GOT2: variants seen among roughly 807,000 people sequenced by gnomAD.
The protein encoded by GOT2 is aspartate aminotransferase, mitochondrial.
Under a neutral mutation model 50.0 loss-of-function variants are expected in GOT2, and 17 were observed. The ratio of observed to expected loss-of-function variants is 0.34; its 90% CI spans 0.23 to 0.51. The LOEUF is 0.51. Among genes scored for constraint, GOT2 ranks in the 20% least tolerant of loss-of-function variants. The pLI is 0.97. For synonymous variants in GOT2, 172 were observed against 204.9 expected (o/e 0.84, Z 1.37); for missense variants, 430 against 559.6 (o/e 0.77, Z 2.34).
At chr16:58,720,321 T>C (rs137920751) in intron 3 of GOT2, among the ~76,000 whole-genome samples, 2,550 of 152,296 alleles carry the variant, frequency 0.017, 67 homozygotes, top group African/African-American at 0.053. Flanking sequence ...CTTATTCAAA[T>C]TGGTCAACTT....
intron 6 of GOT2, 55 bp downstream of exon 6, chr16:58,718,141 C>T: frequency 5.6e-6 from 7 of 1,239,782 alleles, no homozygotes; most frequent in Non-Finnish European, 8.3e-6. Flanking sequence ...CAAATTAAGC[C>T]TCCAAAGCTG....
intron 8 of GOT2, among the ~76,000 whole-genome samples, chr16:58,714,744 G>C (rs755868643): frequency 6.6e-6 from 1 of 151,914 alleles, no homozygotes; most frequent in Admixed American, 6.6e-5. Context: ...CAAAAAACTC[G>C]AGTAAAGCAC....
At chr16:58,724,390 C>T (rs971982730) in intron 1 of GOT2, among the ~76,000 whole-genome samples, 3 of 151,590 alleles carry the variant, frequency 2.0e-5, no homozygotes, top group African/African-American at 4.8e-5. Context: ...TCAAACAATT[C>T]TGCCTCAGCC....
intron 3 of GOT2, among the ~76,000 whole-genome samples, chr16:58,720,859 T>C (rs1196371209): frequency 6.6e-6 from 1 of 152,142 alleles, no homozygotes; most frequent in Non-Finnish European, 1.5e-5. Context: ...GTGCTGGGAT[T>C]ACAGGAGTGA....
intron 1 of GOT2, among the ~76,000 whole-genome samples, chr16:58,732,324 A>AT (rs775313668): frequency 1.8e-4 from 27 of 151,854 alleles, no homozygotes; most frequent in Non-Finnish European, 2.4e-4. Context: ...AAAAAAGGGA[A>AT]TTTTTTTTGG....
chr16:58,708,510 C>A (rs1471842278), intron 9 of GOT2, among the ~76,000 whole-genome samples: 4 of 151,868 alleles, frequency 2.6e-5, no homozygotes, highest in African/African-American at 9.7e-5. Context: ...GAGGCTAAGG[C>A]AGGAGAATAG....
chr16:58,721,272 C>T (rs257630), intron 3 of GOT2, among the ~76,000 whole-genome samples: 94,406 of 152,082 alleles, frequency 0.62, 29,754 homozygotes, highest in Middle Eastern at 0.84. Flanking sequence ...CCCAGAAAAA[C>T]GTACAAATGC....
At chr16:58,733,892 A>T (rs2044855639) in intron 1 of GOT2, 2 of 392,204 alleles carry the variant, frequency 5.1e-6, no homozygotes, top group Non-Finnish European at 9.0e-6. Context: ...ATTGCGTTGC[A>T]CGCCTTCCTG....
chr16:58,723,781 T>A lies in GOT2; in HGVS notation c.211A>T (p.Asn71Tyr). Residue 71 changes from asparagine (N) to tyrosine (Y), a missense_variant, in exon 2 of 10, where the codon AAT becomes TAT. Transcript: ENST00000245206. ...CTAGGCAGAACGTAAGGCTTTCCATTATCATCCCGGTAGGCACCAACTCCC... is the reference window on the plus strand; with the variant it reads ...CTAGGCAGAACGTAAGGCTTTCCATAATCATCCCGGTAGGCACCAACTCCC... ...NLGVGAYRDD[N>Y]GKPYVLPSVR... 1 of 1,613,060 alleles carries A rather than the reference T, an allele frequency of 6.2e-7. No individual in the cohort carries two copies. Among genetic ancestry groups the A allele is most frequent in the Non-Finnish European group, 8.5e-7 (1 of 1,179,096 alleles).
At chr16:58,722,021 C>T in intron 3 of GOT2, 129 bp downstream of exon 3, 1 of 925,906 alleles carries the variant, frequency 1.1e-6, no homozygotes, top group Non-Finnish European at 1.7e-6. Context: ...CTCAGATGAA[C>T]CACCCGCCTT....
At chr16:58,709,643 C>G in intron 8 of GOT2, 76 bp from the exon 9 acceptor site, 1 of 1,297,864 alleles carries the variant, frequency 7.7e-7, no homozygotes, top group Non-Finnish European at 1.1e-6. Flanking sequence ...GCATTTTTAC[C>G]TCCCTTGAGC....
intron 8 of GOT2, among the ~76,000 whole-genome samples, chr16:58,710,900 A>G (rs372980109): frequency 2.0e-5 from 3 of 148,954 alleles, no homozygotes; most frequent in East Asian, 4.1e-4. Context: ...CCCAGAAGGC[A>G]GAGCTTGCAG....
Position 58,722,127 on chromosome 16 carries a change from A to G in GOT2, c.375+23T>C. On this transcript the variant is annotated intron_variant, in intron 3 of 9. Coordinates refer to ENST00000245206, the MANE Select transcript of GOT2 (RefSeq NM_002080.4). ...AATTTGTTAAAACAGACCTGGGATG[A>G]TGCCAGAGCCTGCTCAGCTTACCCG... is the stretch of plus-strand genomic sequence containing the variant. 1.9e-6 allele frequency: 3 copies of G among 1,610,492 alleles called. No homozygotes were observed. In the African/African-American group the frequency reaches 4.0e-5, roughly 22 times the overall value.
At chr16:58,727,689 G>A (rs2044798740) in intron 1 of GOT2, among the ~76,000 whole-genome samples, 1 of 152,158 alleles carries the variant, frequency 6.6e-6, no homozygotes, top group Non-Finnish European at 1.5e-5. Context: ...ATAGCTTGGA[G>A]AAGGGAAGGA....
Position 58,734,287 on chromosome 16 carries a change from A to C in GOT2, c.-59T>G. ...GACGGAGCAGAGGGCGAGCGGACAC[A>C]CACACAGGGAACCGGCTCCTGCTGA... On this transcript the variant is annotated 5_prime_UTR_variant, in exon 1 of 10. Transcript: ENST00000245206. 1 of 925,972 alleles carries C rather than the reference A, an allele frequency of 1.1e-6. No homozygotes were observed. 57.4% of individuals were successfully genotyped at this position (925,972 alleles called of 1,614,324 possible). A position where few individuals can be genotyped will look rare whatever the true frequency, so the allele number is the denominator to read the frequency against.
intron 3 of GOT2, among the ~76,000 whole-genome samples, chr16:58,721,438 CT>C: frequency 6.6e-6 from 1 of 152,174 alleles, no homozygotes; most frequent in Non-Finnish European, 1.5e-5. Flanking sequence ...CCACCCATGG[CT>C]TGTTTCCTGC....
chr16:58,716,476 G>A (rs1443742798), intron 7 of GOT2, 187 bp downstream of exon 7: 28 of 632,076 alleles, frequency 4.4e-5, no homozygotes, highest in Non-Finnish European at 5.6e-5. Context: ...TAAGGACACC[G>A]AAGAATATAT....
intron 8 of GOT2, among the ~76,000 whole-genome samples, chr16:58,713,128 C>A (rs952703443): frequency 1.3e-5 from 2 of 151,666 alleles, no homozygotes; most frequent in African/African-American, 2.4e-5. Context: ...AACAAAAAAA[C>A]CACACACACA....
chr16:58,724,420 T>C (rs1339112265), intron 1 of GOT2, among the ~76,000 whole-genome samples: 2 of 151,998 alleles, frequency 1.3e-5, no homozygotes, highest in South Asian at 2.1e-4. Flanking sequence ...CAAAACAGTA[T>C]TGATTTACAG....
Sources: gnomAD v4.1 joint callset for allele counts (sites outside exome capture counted in the v4.1 genomes callset) on GRCh38, gnomAD v4.1.1 for gene constraint, MANE v1.5 for transcripts, NCBI Gene and HGNC (gene_info 2026-07-23, HGNC 2026-07-21) for gene names.